CDH12: variants seen among roughly 807,000 people sequenced by gnomAD.
The protein encoded by CDH12 is cadherin 12.
A neutral mutation model predicts 74.1 loss-of-function variants in CDH12; 41 were observed. That is an observed-to-expected ratio of 0.55 (90% CI 0.43 to 0.72). CDH12 has a LOEUF of 0.72. CDH12 is among the 30% of genes least tolerant of loss of function. The pLI is 0.00. For missense variants in CDH12, 945 were observed against 977.2 expected (o/e 0.97, Z 0.44); for synonymous variants, 399 against 355.0 (o/e 1.12, Z -1.39).
chr5:22,628,199 G>A (rs1398042820), intron 1 of CDH12, among the ~76,000 whole-genome samples: 2 of 151,914 alleles, frequency 1.3e-5, no homozygotes, highest in Non-Finnish European at 2.9e-5. Flanking sequence ...CAACCATCAA[G>A]GCATAAAACT....
intron 6 of CDH12, among the ~76,000 whole-genome samples, chr5:21,939,537 A>G (rs2150088639): frequency 6.6e-6 from 1 of 152,194 alleles, no homozygotes; most frequent in South Asian, 2.1e-4. Context: ...TCCTATTAAA[A>G]GAAAAAGCAT....
intron 1 of CDH12, among the ~76,000 whole-genome samples, chr5:22,610,428 C>T (rs868396706): frequency 1.7e-4 from 26 of 152,044 alleles, no homozygotes; most frequent in Middle Eastern, 6.9e-3. Flanking sequence ...AAAATAAAAC[C>T]GATCTAGTAA....
At chr5:22,534,214 TTCC>T (rs1737721996) in intron 1 of CDH12, among the ~76,000 whole-genome samples, 1 of 152,118 alleles carries the variant, frequency 6.6e-6, no homozygotes, top group African/African-American at 2.4e-5. Flanking sequence ...ATTTTTTTAT[TTCC>T]GTAGGTTATT....
chr5:21,969,332 TGGTA>T (rs1289927054), intron 6 of CDH12, among the ~76,000 whole-genome samples: 1 of 152,012 alleles, frequency 6.6e-6, no homozygotes, highest in Non-Finnish European at 1.5e-5. Context: ...GTATAGACAG[TGGTA>T]GGTAGACTGT....
At chr5:22,263,245 C>A (rs1362211952) in intron 3 of CDH12, among the ~76,000 whole-genome samples, 2 of 152,052 alleles carry the variant, frequency 1.3e-5, no homozygotes, top group Non-Finnish European at 2.9e-5. Context: ...AGTGTTTCAT[C>A]TCAAGATTCT....
chr5:22,825,205 C>G (rs1330622531), intron 1 of CDH12, among the ~76,000 whole-genome samples: 1 of 151,962 alleles, frequency 6.6e-6, no homozygotes, highest in Non-Finnish European at 1.5e-5. Context: ...AAAAAATACC[C>G]TCTGTCTTTT....
intron 1 of CDH12, among the ~76,000 whole-genome samples, chr5:22,678,050 G>GGA (rs746265127): frequency 8.6e-5 from 13 of 151,422 alleles, no homozygotes; most frequent in East Asian, 3.9e-4. Context: ...CTCATGGGGG[G>GGA]GGGGGTTAGG....
At chr5:22,275,576 T>C (rs913202729) in intron 3 of CDH12, among the ~76,000 whole-genome samples, 1 of 152,152 alleles carries the variant, frequency 6.6e-6, no homozygotes, top group Non-Finnish European at 1.5e-5. Flanking sequence ...TAGAAGACTA[T>C]AATCAGTGTC....
At chr5:22,365,608 A>G (rs571345149) in intron 3 of CDH12, among the ~76,000 whole-genome samples, 18 of 152,346 alleles carry the variant, frequency 1.2e-4, no homozygotes, top group African/African-American at 3.8e-4. Context: ...AAAGTTAACT[A>G]GCTAGATTAA....
intron 1 of CDH12, among the ~76,000 whole-genome samples, chr5:22,538,258 C>T (rs562612540): frequency 1.3e-5 from 2 of 152,258 alleles, no homozygotes; most frequent in Non-Finnish European, 1.5e-5. Flanking sequence ...CTTTTTCAGC[C>T]AATCTACTCC....
chr5:22,671,336 T>C (rs111229075), intron 1 of CDH12, among the ~76,000 whole-genome samples: 9 of 152,290 alleles, frequency 5.9e-5, no homozygotes, highest in African/African-American at 2.2e-4. Context: ...TATTGCACTA[T>C]GCTGAACAGC....
intron 3 of CDH12, among the ~76,000 whole-genome samples, chr5:22,232,669 TTCA>T (rs1230466873): frequency 2.6e-5 from 4 of 151,526 alleles, no homozygotes; most frequent in Non-Finnish European, 3.0e-5. Flanking sequence ...AAAAAAATAC[TTCA>T]TCATCATAGT....
chr5:22,669,197 G>A (rs1273630002), intron 1 of CDH12, among the ~76,000 whole-genome samples: 1 of 152,038 alleles, frequency 6.6e-6, no homozygotes, highest in African/African-American at 2.4e-5. Context: ...TCAAAACACA[G>A]TTAATTTTGC....
chr5:21,960,878 A>G (rs1389670852), intron 6 of CDH12, among the ~76,000 whole-genome samples: 1 of 152,122 alleles, frequency 6.6e-6, no homozygotes, highest in Admixed American at 6.6e-5. Context: ...CAATATCTCA[A>G]TCAACGCAAA....
At chr5:22,003,477 GAAGA>G (rs1469881851) in intron 5 of CDH12, among the ~76,000 whole-genome samples, 2 of 152,206 alleles carry the variant, frequency 1.3e-5, no homozygotes, top group Non-Finnish European at 2.9e-5. Context: ...TCTATCATAT[GAAGA>G]AAGCCAAAGA....
chr5:22,104,163 A>G (rs541350398), intron 4 of CDH12, among the ~76,000 whole-genome samples: 93 of 152,344 alleles, frequency 6.1e-4, no homozygotes, highest in African/African-American at 2.1e-3. Context: ...AATAGATATC[A>G]TACCTACATT....
intron 1 of CDH12, among the ~76,000 whole-genome samples, chr5:22,570,147 C>CGAGG (rs1739475256): frequency 3.3e-5 from 5 of 151,900 alleles, no homozygotes; most frequent in African/African-American, 1.2e-4. Context: ...CCTTCACCTC[C>CGAGG]CAGGTTCAAG....
chr5:22,450,197 C>A (rs1744988266), intron 2 of CDH12, among the ~76,000 whole-genome samples: 1 of 151,884 alleles, frequency 6.6e-6, no homozygotes, highest in Admixed American at 6.6e-5. Context: ...GCGAAACCTG[C>A]ATTATGTTTT....
At chr5:21,822,756 T>G (rs1357907577) in intron 8 of CDH12, among the ~76,000 whole-genome samples, 1 of 152,136 alleles carries the variant, frequency 6.6e-6, no homozygotes, top group Non-Finnish European at 1.5e-5. Flanking sequence ...AGATGTTATA[T>G]TTGCCCATTC....
Sources: gnomAD v4.1 joint callset for allele counts (sites outside exome capture counted in the v4.1 genomes callset) on GRCh38, gnomAD v4.1.1 for gene constraint, MANE v1.5 for transcripts, NCBI Gene and HGNC (gene_info 2026-07-23, HGNC 2026-07-21) for gene names.